CSMD1: variants seen among roughly 807,000 people sequenced by gnomAD.
CSMD1 encodes CUB and sushi domain-containing protein 1.
A neutral mutation model predicts 417.5 loss-of-function variants in CSMD1; 213 were observed. The ratio of observed to expected loss-of-function variants is 0.51; its 90% CI spans 0.46 to 0.57. The LOEUF (loss-of-function observed/expected upper bound fraction) is 0.57, where lower values mean the gene tolerates loss of function less well. Among genes scored for constraint, CSMD1 ranks in the 20% least tolerant of loss-of-function variants. The pLI is 0.00. For synonymous variants in CSMD1, 2,862 were observed against 1,736.8 expected, an observed-to-expected ratio of 1.65 and a Z score of -16.11; for missense variants, 6,923 against 4,529.7, an observed-to-expected ratio of 1.53 and a Z score of -15.17.
At chr8:3,956,193 C>A (rs1811934634) in intron 5 of CSMD1, among the ~76,000 whole-genome samples, 1 of 152,158 alleles carries the variant, frequency 6.6e-6, no homozygotes, top group African/African-American at 2.4e-5. Flanking sequence ...GGGTATTAAC[C>A]ATAACTAAAT....
chr8:3,566,246 T>C (rs1176373485), intron 10 of CSMD1, among the ~76,000 whole-genome samples: 1 of 151,468 alleles, frequency 6.6e-6, no homozygotes, highest in Non-Finnish European at 1.5e-5. Context: ...AAAAGGAGGA[T>C]GAGGAGGAAG....
intron 3 of CSMD1, among the ~76,000 whole-genome samples, chr8:4,111,603 A>C (rs9650479): frequency 0.13 from 20,359 of 152,186 alleles, 1,874 homozygotes; most frequent in Non-Finnish European, 0.2. Flanking sequence ...AAAGAAATGA[A>C]ATTATGTCCT....
intron 5 of CSMD1, among the ~76,000 whole-genome samples, chr8:3,763,758 T>C (rs1463594319): frequency 1.3e-5 from 2 of 152,144 alleles, no homozygotes; most frequent in Admixed American, 6.5e-5. Flanking sequence ...AGGAGATAAA[T>C]GGTGGTAGGA....
At chr8:4,470,572 A>T (rs897168499) in intron 2 of CSMD1, among the ~76,000 whole-genome samples, 1 of 152,232 alleles carries the variant, frequency 6.6e-6, no homozygotes, top group South Asian at 2.1e-4. Flanking sequence ...GTGAATGTAC[A>T]ACCAAATAAT....
chr8:3,962,477 C>T (rs546792024), intron 5 of CSMD1, among the ~76,000 whole-genome samples: 1 of 152,122 alleles, frequency 6.6e-6, no homozygotes, highest in African/African-American at 2.4e-5. Context: ...GGATGTCACC[C>T]CCTGTTTATG....
chr8:3,435,261 G>A (rs116932475), intron 12 of CSMD1, among the ~76,000 whole-genome samples: 2 of 152,294 alleles, frequency 1.3e-5, no homozygotes, highest in African/African-American at 2.4e-5. Flanking sequence ...CAGTTAATAT[G>A]TGTTTTCACT....
chr8:3,014,453 C>T (rs1162045309), intron 52 of CSMD1, among the ~76,000 whole-genome samples: 1 of 152,144 alleles, frequency 6.6e-6, no homozygotes, highest in Non-Finnish European at 1.5e-5. Flanking sequence ...ATATGAGTTT[C>T]ACTCTAGGAT....
intron 3 of CSMD1, among the ~76,000 whole-genome samples, chr8:4,163,404 G>A (rs1374632321): frequency 6.6e-6 from 1 of 152,120 alleles, no homozygotes; most frequent in Non-Finnish European, 1.5e-5. Context: ...CTACATTGTT[G>A]GTGTTATGGA....
chr8:4,939,937 AAAATAT>A (rs1460932619), intron 1 of CSMD1, among the ~76,000 whole-genome samples: 2 of 152,224 alleles, frequency 1.3e-5, no homozygotes, highest in African/African-American at 4.8e-5. Context: ...TTTGTCAATT[AAAATAT>A]AAATTTAAAA....
At chr8:4,246,349 G>T (rs936046528) in intron 3 of CSMD1, among the ~76,000 whole-genome samples, 1 of 152,146 alleles carries the variant, frequency 6.6e-6, no homozygotes, top group Admixed American at 6.6e-5. Flanking sequence ...CAAAGGACAC[G>T]GTCAGTCCTT....
At chr8:4,258,980 G>T (rs533280145) in intron 3 of CSMD1, among the ~76,000 whole-genome samples, 4 of 152,144 alleles carry the variant, frequency 2.6e-5, no homozygotes, top group African/African-American at 9.7e-5. Context: ...GTCTAACTAA[G>T]ACTTTAAAAG....
Position 3,575,044 on chromosome 8 carries a change from C to G in CSMD1, c.1245G>C (p.Leu415=). 1 of 1,613,330 alleles carries G rather than the reference C, an allele frequency of 6.2e-7. No homozygotes were observed. The highest frequency in any genetic ancestry group is 1.3e-5 in the African/African-American group (1 of 75,004). ...AGGTAATGACGCCGCTGGGCCCACG[C>G]AGATTGGATCCACATGTTCTCGCTG... The part of the protein sequence containing the change: ...ICRARTCGSN[L]RGPSGVITSP... Residue 415 remains leucine (L), a synonymous_variant, in exon 10 of 70, where the codon CTG becomes CTC. Coordinates refer to ENST00000635120, the MANE Select transcript of CSMD1 (RefSeq NM_033225.6).
At chr8:4,098,565 C>T (rs367778117) in intron 3 of CSMD1, among the ~76,000 whole-genome samples, 27 of 152,054 alleles carry the variant, frequency 1.8e-4, no homozygotes, top group African/African-American at 4.8e-4. Flanking sequence ...TCAGTGGATT[C>T]GGCCTGAAAG....
At chr8:4,512,807 G>A (rs551707020) in intron 2 of CSMD1, among the ~76,000 whole-genome samples, 1 of 143,162 alleles carries the variant, frequency 7.0e-6, no homozygotes, top group East Asian at 2.1e-4. Flanking sequence ...GATAGCCCAT[G>A]TTCATGGATT....
At chr8:4,195,544 G>C (rs906511176) in intron 3 of CSMD1, among the ~76,000 whole-genome samples, 3 of 152,162 alleles carry the variant, frequency 2.0e-5, no homozygotes, top group Non-Finnish European at 4.4e-5. Context: ...AAAGACTTGT[G>C]ATGTGCGTCT....
At chr8:4,433,347 T>C (rs1797976099) in intron 2 of CSMD1, among the ~76,000 whole-genome samples, 1 of 152,178 alleles carries the variant, frequency 6.6e-6, no homozygotes, top group African/African-American at 2.4e-5. Flanking sequence ...TGGGGACTGC[T>C]ATTATATACA....
intron 4 of CSMD1, among the ~76,000 whole-genome samples, chr8:4,006,681 A>T (rs1257974421): frequency 1.3e-5 from 2 of 152,238 alleles, no homozygotes; most frequent in African/African-American, 4.8e-5. Context: ...TTTAATCTGC[A>T]CATGCAGATG....
At chr8:4,709,986 A>C (rs1282865773) in intron 1 of CSMD1, among the ~76,000 whole-genome samples, 1 of 152,222 alleles carries the variant, frequency 6.6e-6, no homozygotes, top group African/African-American at 2.4e-5. Flanking sequence ...ATTTTGATAA[A>C]AACTGGGTAA....
At chr8:3,664,933 T>A (rs1397027523) in intron 7 of CSMD1, among the ~76,000 whole-genome samples, 1 of 152,154 alleles carries the variant, frequency 6.6e-6, no homozygotes. Context: ...TCATTTTGTC[T>A]CTGTGCGTCA....
Sources: gnomAD v4.1 joint callset for allele counts (sites outside exome capture counted in the v4.1 genomes callset) on GRCh38, gnomAD v4.1.1 for gene constraint, MANE v1.5 for transcripts, NCBI Gene and HGNC (gene_info 2026-07-23, HGNC 2026-07-21) for gene names.